PPFIA3: variants seen among roughly 807,000 people sequenced by gnomAD.
The protein encoded by PPFIA3 is PPFI scaffold protein A3, also known as liprin-alpha-3.
PPFIA3 carries 26 observed loss-of-function variants against 145.8 expected under a neutral mutation model. The ratio of observed to expected loss-of-function variants is 0.18; its 90% CI spans 0.13 to 0.25. PPFIA3 has a LOEUF of 0.25. Ranked by LOEUF, PPFIA3 falls within the 10% of genes least tolerant of loss-of-function variation. The pLI, the probability that PPFIA3 is intolerant of heterozygous loss-of-function variation, is 1.00. For synonymous variants in PPFIA3, 645 were observed against 661.4 expected (o/e 0.98, Z 0.38); for missense variants, 1,008 against 1,587.8 (o/e 0.63, Z 6.21).
intron 19 of PPFIA3, 64 bp downstream of exon 19, chr19:49,141,577 TGTGTGC>T (rs1023083138): frequency 7.7e-6 from 10 of 1,295,948 alleles, no homozygotes; most frequent in Non-Finnish European, 1.1e-5. Flanking sequence ...TGAGGGTGTG[TGTGTGC>T]GTGTATGTGT....
At chr19:49,138,524 T>C in intron 16 of PPFIA3, 97 bp downstream of exon 16, 1 of 1,094,626 alleles carries the variant, frequency 9.1e-7, no homozygotes, top group Non-Finnish European at 1.2e-6. Context: ...CTCACACCAG[T>C]GGTTTTCCAA....
chr19:49,145,676 C>T (rs770403951), intron 21 of PPFIA3: 8 of 504,672 alleles, frequency 1.6e-5, no homozygotes, highest in Non-Finnish European at 2.5e-5. Context: ...GTGAGGTCAG[C>T]GAGGTGACGT....
Position 49,133,694 on chromosome 19 carries a change from G to A in PPFIA3, c.1162-102G>A. 7.9e-7 allele frequency: 1 copy of A among 1,265,276 alleles called. No individual in the cohort carries two copies. The allele number at this position is 1,265,276 out of a possible 1,614,324, so 78.4% of individuals were successfully genotyped here. A position where few individuals can be genotyped will look rare whatever the true frequency, so the allele number is the denominator to read the frequency against. ...CAAAGGTGCAGGGGAGGAGCCTGGCGCTGTGGGGGCGGAGCCTGGCGCTCA... is the reference window on the plus strand; with the variant it reads ...CAAAGGTGCAGGGGAGGAGCCTGGCACTGTGGGGGCGGAGCCTGGCGCTCA... On this transcript the variant is annotated intron_variant, in intron 9 of 29. Transcript: ENST00000334186. The surrounding 1 kb of genome is among the most constrained non-coding windows in gnomAD (Gnocchi z 7.2).
intron 23 of PPFIA3, chr19:49,146,516 C>A (rs1009648557): frequency 2.4e-5 from 10 of 415,280 alleles, no homozygotes; most frequent in Admixed American, 2.0e-4. Context: ...GTGGAGGGGG[C>A]GGGGGCTACA....
intron 19 of PPFIA3, 99 bp downstream of exon 19, chr19:49,141,612 G>GAA: frequency 1.1e-6 from 1 of 933,110 alleles, no homozygotes; most frequent in Non-Finnish European, 1.6e-6. Flanking sequence ...GTGTGTGTGT[G>GAA]TGTGAGAGGG....
chr19:49,146,429 A>T (rs1213810147), intron 23 of PPFIA3: 15 of 588,816 alleles, frequency 2.5e-5, no homozygotes, highest in Non-Finnish European at 3.9e-5. Context: ...GGACCATTTC[A>T]TCATCGTGGG....
Position 49,146,153 on chromosome 19 carries a change from A to G in PPFIA3, c.2809-13A>G. 1 of 1,613,886 alleles carries G rather than the reference A, an allele frequency of 6.2e-7. No individual in the cohort carries two copies. Among genetic ancestry groups the G allele is most frequent in the Non-Finnish European group, 8.5e-7 (1 of 1,179,950 alleles). On this transcript the variant is annotated splice_polypyrimidine_tract_variant and intron_variant, in intron 22 of 29. Transcript: ENST00000334186. ...CTCACCCCTTCTCTCCCCTCTTCCT[A>G]CTAACGGGTCAGGAGACCAAGGAGA...
At chr19:49,124,285 C>T (rs550617280) in intron 1 of PPFIA3, among the ~76,000 whole-genome samples, 112 of 152,080 alleles carry the variant, frequency 7.4e-4, no homozygotes, top group African/African-American at 2.7e-3. Flanking sequence ...TCTCAAACCC[C>T]TGGGCTCGAG....
rs2041334765 is a variant in PPFIA3, at chr19:49,150,412, C to T, written c.*190C>T. The T allele has an allele frequency of 5.0e-6, 2 of 400,560 alleles. No homozygotes were observed. The highest frequency in any genetic ancestry group is 4.7e-5 in the South Asian group (1 of 21,134). 24.8% of individuals were successfully genotyped at this position (400,560 alleles called of 1,614,324 possible). A position where few individuals can be genotyped will look rare whatever the true frequency, so the allele number is the denominator to read the frequency against. On this transcript the variant is annotated 3_prime_UTR_variant, in exon 30 of 30. Coordinates refer to ENST00000334186, the MANE Select transcript of PPFIA3 (RefSeq NM_003660.4). ...CACAGGGCCGGGGCCTGGACCAAACCACATGAACTGGACTGAGAGGGGGAA... is the reference window on the plus strand; with the variant it reads ...CACAGGGCCGGGGCCTGGACCAAACTACATGAACTGGACTGAGAGGGGGAA...
In PPFIA3 at chr19:49,142,082, C is replaced by G; in HGVS notation, c.2511C>G (p.Ala837=). ...EACRQGLPFA[A]WDGPTVVSWL... ...GCCGCCAGGGCCTACCTTTTGCTGC[C>G]TGGGACGGGCCCACCGTGGTGTCCT... The change falls in exon 20 of 30, where the codon GCC becomes GCG. Residue 837 remains alanine (A), a synonymous_variant. Transcript: ENST00000334186. 2 of 1,577,978 alleles carry G rather than the reference C, an allele frequency of 1.3e-6. No homozygotes were observed. The highest frequency in any genetic ancestry group is 8.6e-7 in the Non-Finnish European group (1 of 1,161,628).
chr19:49,138,178 C>G (rs1165679437), intron 15 of PPFIA3, 27 bp from the exon 16 acceptor site: 1 of 1,542,446 alleles, frequency 6.5e-7, no homozygotes, highest in East Asian at 2.4e-5. Flanking sequence ...CGGCCCCTCA[C>G]CCAGTTTCCC....
At chr19:49,135,005 C>A in intron 13 of PPFIA3, 90 bp downstream of exon 13, 1 of 1,121,654 alleles carries the variant, frequency 8.9e-7, no homozygotes, top group Non-Finnish European at 1.2e-6. Context: ...TTCCTGTCCT[C>A]CTGAGACTTC....
At chr19:49,129,685 C>T (rs1268393024) in intron 5 of PPFIA3, among the ~76,000 whole-genome samples, 1 of 152,088 alleles carries the variant, frequency 6.6e-6, no homozygotes, top group Non-Finnish European at 1.5e-5. Flanking sequence ...AAGGGTAGAA[C>T]CAGGGGCTGG....
chr19:49,132,833 G>C (rs1466715212), intron 7 of PPFIA3, among the ~76,000 whole-genome samples, 168 bp from the exon 8 acceptor site: 1 of 152,160 alleles, frequency 6.6e-6, no homozygotes, highest in Non-Finnish European at 1.5e-5. Context: ...TTAACTCGCA[G>C]GTAGGTGGCA....
chr19:49,131,725 G>A (rs1384984510), intron 7 of PPFIA3, among the ~76,000 whole-genome samples: 1 of 151,920 alleles, frequency 6.6e-6, no homozygotes, highest in Non-Finnish European at 1.5e-5. Flanking sequence ...GAGAGGCTGA[G>A]GCATGCCAGG....
At chr19:49,132,637 C>G (rs1375796269) in intron 7 of PPFIA3, among the ~76,000 whole-genome samples, 1 of 152,018 alleles carries the variant, frequency 6.6e-6, no homozygotes, top group Non-Finnish European at 1.5e-5. Flanking sequence ...CCATGAGACC[C>G]CAGGACACTT....
chr19:49,140,327 A>AT (rs1015476316), intron 18 of PPFIA3, among the ~76,000 whole-genome samples: 1 of 151,828 alleles, frequency 6.6e-6, no homozygotes, highest in African/African-American at 2.4e-5. Context: ...TCCTTTACTT[A>AT]TTTTTTTGTT....
At position 49,136,926 on chromosome 19, in the gene PPFIA3, C is replaced by A. The variant is rs780690007; in HGVS notation, c.1853+15C>A. 1 of 1,502,072 alleles carries A rather than the reference C, an allele frequency of 6.7e-7. No homozygotes were observed. Among genetic ancestry groups the A allele is most frequent in the Non-Finnish European group, 8.9e-7 (1 of 1,117,618 alleles). The allele number at this position is 1,502,072 out of a possible 1,614,324, so 93.0% of individuals were successfully genotyped here. A position where few individuals can be genotyped will look rare whatever the true frequency, so the allele number is the denominator to read the frequency against. ...AAGGAGATCAAGTGAGCCCTGGCCC[C>A]GCCCCGGCCTGCCCTGCCCTGCCGG... is the stretch of plus-strand genomic sequence containing the variant. On this transcript the variant is annotated intron_variant, in intron 15 of 29. Transcript: ENST00000334186.
Position 49,148,264 on chromosome 19 carries a change from G to C in PPFIA3, c.3011+6G>C. 6.2e-7 allele frequency: 1 copy of C among 1,612,640 alleles called. No homozygotes were observed. Among genetic ancestry groups the C allele is most frequent in the Admixed American group, 1.7e-5 (1 of 59,924 alleles). ...ATGGTGGACAGCTTTCACAGGTGGG[G>C]GCTGCCTGGCCAGTGGGGACAGTCC... On this transcript the variant is annotated splice_donor_region_variant and intron_variant, in intron 24 of 29. Coordinates refer to ENST00000334186, the MANE Select transcript of PPFIA3 (RefSeq NM_003660.4).
Sources: gnomAD v4.1 joint callset for allele counts (sites outside exome capture counted in the v4.1 genomes callset) on GRCh38, gnomAD v4.1.1 for gene constraint, Gnocchi (gnomAD v3.1) non-coding constraint, MANE v1.5 for transcripts, NCBI Gene and HGNC (gene_info 2026-07-23, HGNC 2026-07-21) for gene names.